The following DYNC2H1 variants were observed in gnomAD, a reference collection of about 807,000 sequenced individuals.
DYNC2H1 encodes the protein cytoplasmic dynein 2 heavy chain 1.
In DYNC2H1, 410 loss-of-function variants were observed where a neutral mutation model predicts 570.0. That is an observed-to-expected ratio of 0.72 (90% CI 0.66 to 0.78). The LOEUF (loss-of-function observed/expected upper bound fraction) is 0.78. DYNC2H1 is among the 30% of genes least tolerant of loss of function. The probability of loss-of-function intolerance (pLI) is 0.00; values close to 1 mark genes in which losing one functional copy is unlikely to be tolerated. For missense variants in DYNC2H1, 4,865 were observed against 5,046.4 expected, an observed-to-expected ratio of 0.96 and a Z score of 1.09; for synonymous variants, 1,688 against 1,677.6, an observed-to-expected ratio of 1.01 and a Z score of -0.15.
At chr11:103,373,068 C>T (rs1941237810) in intron 83 of DYNC2H1, among the ~76,000 whole-genome samples, 1 of 152,076 alleles carries the variant, frequency 6.6e-6, no homozygotes, top group African/African-American at 2.4e-5. Context: ...CTCAGCCCCC[C>T]AAGTAGCTGG....
chr11:103,389,298 T>C (rs372529897), intron 83 of DYNC2H1, among the ~76,000 whole-genome samples: 3 of 152,248 alleles, frequency 2.0e-5, no homozygotes, highest in East Asian at 3.8e-4. Flanking sequence ...TAGAGGTGTT[T>C]ATAGTATTCT....
At chr11:103,345,889 T>C (rs1007336630) in intron 82 of DYNC2H1, among the ~76,000 whole-genome samples, 3 of 152,200 alleles carry the variant, frequency 2.0e-5, no homozygotes, top group African/African-American at 7.2e-5. Flanking sequence ...GAGGCAATTG[T>C]TATTAATAAA....
At chr11:103,221,145 C>T (rs983415507) in intron 57 of DYNC2H1, among the ~76,000 whole-genome samples, 7 of 151,148 alleles carry the variant, frequency 4.6e-5, no homozygotes, top group South Asian at 2.1e-4. Context: ...CTTGTACTAC[C>T]GAGAGAGGGA....
chr11:103,360,272 C>T (rs571520898), intron 83 of DYNC2H1, among the ~76,000 whole-genome samples: 1 of 152,108 alleles, frequency 6.6e-6, no homozygotes, highest in East Asian at 1.9e-4. Flanking sequence ...GAATTCTCTT[C>T]ACTTATATAA....
chr11:103,223,266 G>A (rs1863663076), intron 59 of DYNC2H1, among the ~76,000 whole-genome samples, 180 bp downstream of exon 59: 1 of 126,662 alleles, frequency 7.9e-6, no homozygotes, highest in Non-Finnish European at 1.9e-5. Flanking sequence ...AAAGCAATTA[G>A]AAGGAGAGAG....
chr11:103,462,279 T>C (rs139817076), intron 87 of DYNC2H1, among the ~76,000 whole-genome samples: 2 of 151,626 alleles, frequency 1.3e-5, no homozygotes, highest in East Asian at 3.9e-4. Context: ...TAAATATAAA[T>C]TAATTCCAAA....
rs1398333997 is a variant in DYNC2H1 at position 103,289,001 on chromosome 11, A to G, written c.11095+1396A>G. On this transcript the variant is annotated intron_variant, in intron 75 of 88. Transcript: ENST00000375735. The surrounding 1 kb of genome is among the most constrained non-coding windows in gnomAD (Gnocchi z 4.2). The stretch of plus-strand genomic sequence containing the variant: ...CATCACTATTGTAAAACCTAAGATC[A>G]GTAGTTGAGATATTTTGCAGACCCT... Among the ~76,000 whole-genome samples the G allele has an allele frequency of 6.6e-6, 1 of 152,120 alleles. No individual in the cohort carries two copies. The highest frequency in any genetic ancestry group is 1.9e-4 in the East Asian group (1 of 5,192).
intron 82 of DYNC2H1, among the ~76,000 whole-genome samples, chr11:103,332,359 C>T (rs969227866): frequency 6.9e-6 from 1 of 145,268 alleles, no homozygotes; most frequent in Non-Finnish European, 1.5e-5. Flanking sequence ...AATTGGGAGA[C>T]AAAATCAAAC....
chr11:103,375,017 T>C (rs1453902548), intron 83 of DYNC2H1, among the ~76,000 whole-genome samples: 1 of 151,850 alleles, frequency 6.6e-6, no homozygotes, highest in Non-Finnish European at 1.5e-5. Flanking sequence ...GAGAGAAAAA[T>C]GGTTTCTTGG....
At chr11:103,447,115 G>A (rs1944449593) in intron 85 of DYNC2H1, among the ~76,000 whole-genome samples, 1 of 152,006 alleles carries the variant, frequency 6.6e-6, no homozygotes, top group South Asian at 2.1e-4. Context: ...TATTACCTGA[G>A]ATTTCCTCCA....
rs1865261316 is a variant in DYNC2H1 at position 103,261,056 on chromosome 11, G to T, written c.10695+1079G>T. Among the ~76,000 whole-genome samples the T allele has an allele frequency of 6.6e-6, 1 of 152,046 alleles. No homozygotes were observed. The highest frequency in any genetic ancestry group is 2.4e-5 in the African/African-American group (1 of 41,400). On this transcript the variant is annotated intron_variant, in intron 70 of 88. Transcript: ENST00000375735. The surrounding 1 kb of genome is among the most constrained non-coding windows in gnomAD (Gnocchi z 4.8). ...TTATATAGGCTTCTTAGAAAGTGTT[G>T]AAAAATATACAGTTAATGTATTTTT... is the stretch of plus-strand genomic sequence containing the variant.
chr11:103,219,267 T>A (rs1412288565), intron 55 of DYNC2H1, among the ~76,000 whole-genome samples: 1 of 152,068 alleles, frequency 6.6e-6, no homozygotes, highest in Non-Finnish European at 1.5e-5. Flanking sequence ...TATACAAAGA[T>A]GTTCAACCTC....
At chr11:103,358,166 T>C in intron 82 of DYNC2H1, 77 bp from the exon 83 acceptor site, 1 of 783,378 alleles carries the variant, frequency 1.3e-6, no homozygotes, top group Non-Finnish European at 1.9e-6. Context: ...AAAATGTCTG[T>C]TTTTGTACCT....
At chr11:103,226,009 A>G (rs1168493127) in intron 59 of DYNC2H1, among the ~76,000 whole-genome samples, 3 of 150,518 alleles carry the variant, frequency 2.0e-5, no homozygotes, top group Non-Finnish European at 3.0e-5. Flanking sequence ...TTTGATTCTT[A>G]GTGTGGTTGC....
chr11:103,389,894 G>A (rs1358250586), intron 83 of DYNC2H1, among the ~76,000 whole-genome samples: 2 of 152,072 alleles, frequency 1.3e-5, no homozygotes, highest in Non-Finnish European at 2.9e-5. Flanking sequence ...TTTTATATTC[G>A]CTGAGGAGTG....
chr11:103,464,280 T>C (rs1945120960), intron 87 of DYNC2H1, among the ~76,000 whole-genome samples: 1 of 152,148 alleles, frequency 6.6e-6, no homozygotes, highest in Non-Finnish European at 1.5e-5. Context: ...AAAAATGTAG[T>C]CTTTAAATGA....
intron 84 of DYNC2H1, among the ~76,000 whole-genome samples, chr11:103,417,186 TCTC>T (rs1334943351): frequency 1.3e-5 from 2 of 152,100 alleles, no homozygotes; most frequent in Non-Finnish European, 2.9e-5. Flanking sequence ...TTCAAGCCAT[TCTC>T]CTACCTCAGC....
chr11:103,436,026 A>T lies in DYNC2H1; in HGVS notation c.12450A>T (p.Ala4150=). The T allele has an allele frequency of 1.2e-6, 2 of 1,612,254 alleles. No homozygotes were observed. Among genetic ancestry groups the T allele is most frequent in the Non-Finnish European group, 1.7e-6 (2 of 1,178,896 alleles). Residue 4150 remains alanine, a synonymous_variant, in exon 85 of 89, where the codon GCA becomes GCT. Transcript: ENST00000375735. ...GAGGTCTTGTTGCCCGTGCCCTTGC[A>T]ATACAGGTATGCCTAAATTATTTAC... ...YLRGLVARAL[A]IQNWVDKAEK... is the part of the protein sequence containing the mutation.
At position 103,121,437 on chromosome 11, in the gene DYNC2H1, G is replaced by T. The variant is rs1858704257; in HGVS notation, c.1426G>T (p.Gly476Cys). The T allele has an allele frequency of 6.2e-7, 1 of 1,613,404 alleles. No individual in the cohort carries two copies. The highest frequency in any genetic ancestry group is 1.3e-5 in the African/African-American group (1 of 74,988). Residue 476 changes from glycine (G) to cysteine (C), a missense_variant, in exon 10 of 89, where the codon GGC becomes TGC. Transcript: ENST00000375735. ...IPGDASGPLS[G>C]KNLSEVVNSI... The stretch of plus-strand genomic sequence containing the variant: ...TGGTGATGCATCTGGACCACTTTCT[G>T]GCAAAAATCTTTCAGAAGTTGTCAA...
Sources: gnomAD v4.1 joint callset for allele counts (sites outside exome capture counted in the v4.1 genomes callset) on GRCh38, gnomAD v4.1.1 for gene constraint, Gnocchi (gnomAD v3.1) non-coding constraint, MANE v1.5 for transcripts, NCBI Gene and HGNC (gene_info 2026-07-23, HGNC 2026-07-21) for gene names.